The following WWOX variants were observed in gnomAD, a reference collection of about 807,000 sequenced individuals.
WWOX encodes WW domain-containing oxidoreductase.
WWOX carries 69 observed loss-of-function variants against 46.2 expected under a neutral mutation model. That is an observed-to-expected ratio of 1.49 (90% CI 1.23 to 1.82). WWOX has a LOEUF of 1.82. Among genes scored for constraint, WWOX ranks in the 40% most tolerant of loss-of-function variants. WWOX has a pLI of 0.00. For missense variants in WWOX, 919 were observed against 542.6 expected, an observed-to-expected ratio of 1.69 and a Z score of -6.89; for synonymous variants, 359 against 202.6, an observed-to-expected ratio of 1.77 and a Z score of -6.56.
chr16:78,741,761 A>G (rs918884700), intron 8 of WWOX, among the ~76,000 whole-genome samples: 3 of 152,130 alleles, frequency 2.0e-5, no homozygotes, highest in African/African-American at 7.2e-5. Context: ...AGGCTGAGGC[A>G]GGAGAATTGC....
intron 8 of WWOX, among the ~76,000 whole-genome samples, chr16:78,782,242 G>C (rs1479233417): frequency 6.6e-6 from 1 of 152,110 alleles, no homozygotes; most frequent in East Asian, 1.9e-4. Flanking sequence ...CTCTGCTCCT[G>C]GCTTCTGTCT....
chr16:78,920,918 A>G (rs143140082), intron 8 of WWOX, among the ~76,000 whole-genome samples: 3 of 152,338 alleles, frequency 2.0e-5, no homozygotes, highest in South Asian at 2.1e-4. Context: ...TTGACTTTCA[A>G]ACTGCTCTCA....
chr16:78,948,689 T>G (rs968742949), intron 8 of WWOX, among the ~76,000 whole-genome samples: 1 of 152,092 alleles, frequency 6.6e-6, no homozygotes, highest in Non-Finnish European at 1.5e-5. Context: ...GGGGAGCCAC[T>G]TTTGGGGCTG....
chr16:78,710,866 C>A (rs1379376890), intron 8 of WWOX, among the ~76,000 whole-genome samples: 1 of 152,120 alleles, frequency 6.6e-6, no homozygotes, highest in South Asian at 2.1e-4. Context: ...ATCCTACTCA[C>A]TCGGCCTCCC....
chr16:78,711,424 G>A (rs1336849350), intron 8 of WWOX, among the ~76,000 whole-genome samples: 1 of 152,196 alleles, frequency 6.6e-6, no homozygotes, highest in Non-Finnish European at 1.5e-5. Context: ...CTAGGTGGCT[G>A]CAGCCACTCA....
chr16:79,080,190 G>A (rs531374111), intron 8 of WWOX, among the ~76,000 whole-genome samples: 56 of 152,156 alleles, frequency 3.7e-4, no homozygotes, highest in Non-Finnish European at 6.2e-4. Context: ...AGAGAATCCC[G>A]TGGAATCCCA....
chr16:78,686,451 C>T (rs978902908), intron 8 of WWOX, among the ~76,000 whole-genome samples: 1 of 151,168 alleles, frequency 6.6e-6, no homozygotes, highest in African/African-American at 2.4e-5. Context: ...GTGGAGTTTG[C>T]AGTTAGCAGA....
chr16:78,827,943 G>C (rs941293491), intron 8 of WWOX, among the ~76,000 whole-genome samples: 2 of 152,230 alleles, frequency 1.3e-5, no homozygotes, highest in Non-Finnish European at 2.9e-5. Context: ...GAGTAAGGGG[G>C]CTAAGCTGGT....
At chr16:78,699,749 G>C (rs77243340) in intron 8 of WWOX, among the ~76,000 whole-genome samples, 2,172 of 152,184 alleles carry the variant, frequency 0.014, 60 homozygotes, top group African/African-American at 0.05. Context: ...CCTTTTTTCA[G>C]GCTCTTCTAA....
chr16:78,808,451 T>A (rs6564595), intron 8 of WWOX, among the ~76,000 whole-genome samples: 1 of 152,036 alleles, frequency 6.6e-6, no homozygotes, highest in African/African-American at 2.4e-5. Context: ...CATTTTAAAG[T>A]GTTATTGAAT....
At chr16:79,038,421 T>C (rs974046549) in intron 8 of WWOX, among the ~76,000 whole-genome samples, 1 of 152,134 alleles carries the variant, frequency 6.6e-6, no homozygotes, top group African/African-American at 2.4e-5. Context: ...TACTAAGATA[T>C]GTTTTAACAT....
chr16:78,788,680 A>G (rs1275414308), intron 8 of WWOX, among the ~76,000 whole-genome samples: 2 of 152,194 alleles, frequency 1.3e-5, no homozygotes, highest in Admixed American at 1.3e-4. Context: ...AGGGGTAGCA[A>G]GTGTTTTCCT....
chr16:78,835,528 ATCAGCACTTAAGAATGT>A (rs1327215591), intron 8 of WWOX, among the ~76,000 whole-genome samples: 1 of 152,220 alleles, frequency 6.6e-6, no homozygotes, highest in Non-Finnish European at 1.5e-5. Context: ...AAATCACACA[ATCAGCACTTAAGAATGT>A]TCACACAGTT....
chr16:78,216,729 A>G (rs926372534), intron 5 of WWOX, among the ~76,000 whole-genome samples: 6 of 146,850 alleles, frequency 4.1e-5, no homozygotes, highest in Non-Finnish European at 7.5e-5. Context: ...TCCTCTCCCT[A>G]TTTATTTTTA....
intron 8 of WWOX, chr16:79,204,511 C>G (rs1215332901): frequency 6.6e-6 from 1 of 152,304 alleles, no homozygotes. Flanking sequence ...CAACTCGTCC[C>G]ATTTAAGGCT....
chr16:78,539,984 T>A (rs2043849292), intron 8 of WWOX, among the ~76,000 whole-genome samples: 1 of 142,808 alleles, frequency 7.0e-6, no homozygotes, highest in Non-Finnish European at 1.5e-5. Flanking sequence ...TTCCAATACA[T>A]CTCTCTCTCT....
rs75173295 is a variant in WWOX at position 79,136,984 on chromosome 16, A to T, written c.1057-74624A>T. ...AGAATAGGAGAGAAAATAGAGCTCC[A>T]AGGTGGAGGAAAAGACAACTGAGAG... On this transcript the variant is annotated intron_variant, in intron 8 of 8. Transcript: ENST00000566780. Among the ~76,000 whole-genome samples, 1,358 of 152,332 alleles carry T rather than the reference A, an allele frequency of 8.9e-3. 14 individuals are homozygous for T. Among genetic ancestry groups the T allele is most frequent in the Non-Finnish European group, 0.014 (961 of 68,026 alleles).
At position 78,260,117 on chromosome 16, in the gene WWOX, C is replaced by G. The variant is rs114296133; in HGVS notation, c.516+95828C>G. On this transcript the variant is annotated intron_variant, in intron 5 of 8. Coordinates refer to ENST00000566780, the MANE Select transcript of WWOX (RefSeq NM_016373.4). ...GATGCCTCTTGAGGACAGAGACTCC[C>G]AGAGGAAGGAGCAGGCAGCCATCCT... 6.1e-3 allele frequency among the ~76,000 whole-genome samples: 918 copies of G among 151,366 alleles called. 30 individuals carry two copies. The highest frequency in any genetic ancestry group is 0.019 in the African/African-American group (793 of 41,130).
intron 8 of WWOX, among the ~76,000 whole-genome samples, chr16:78,871,141 G>C (rs1253056888): frequency 6.7e-6 from 1 of 148,276 alleles, no homozygotes; most frequent in Non-Finnish European, 1.5e-5. Context: ...ATTCTACATT[G>C]AATATAGTAA....
Sources: gnomAD v4.1 joint callset for allele counts (sites outside exome capture counted in the v4.1 genomes callset) on GRCh38, gnomAD v4.1.1 for gene constraint, MANE v1.5 for transcripts, NCBI Gene and HGNC (gene_info 2026-07-23, HGNC 2026-07-21) for gene names.